IPO8: variants seen among roughly 807,000 people sequenced by gnomAD.
IPO8 encodes importin-8.
IPO8 carries 65 observed loss-of-function variants against 141.2 expected under a neutral mutation model. That is an observed-to-expected ratio of 0.46 (90% CI 0.38 to 0.57). IPO8 has a LOEUF of 0.57. Ranked by LOEUF, IPO8 falls within the 20% of genes least tolerant of loss-of-function variation. The pLI is 0.00. For synonymous variants in IPO8, 411 were observed against 420.3 expected, an observed-to-expected ratio of 0.98 and a Z score of 0.27; for missense variants, 980 against 1,246.8, an observed-to-expected ratio of 0.79 and a Z score of 3.22.
Position 30,665,769 on chromosome 12 carries a change from G to A in IPO8, c.1298C>T (p.Ala433Val), listed in dbSNP as rs1418681264. 3.7e-6 allele frequency: 6 copies of A among 1,613,194 alleles called. No homozygotes were observed. Among genetic ancestry groups the A allele is most frequent in the Non-Finnish European group, 5.1e-6 (6 of 1,179,406 alleles). The change falls in exon 12 of 25, where the codon GCC becomes GTC. Residue 433 changes from alanine (A) to valine (V), a missense_variant. Around this residue, in one of 3 missense-constraint regions of IPO8, gnomAD observed 924 missense variants for 1,153.9 expected, o/e 0.80. Transcript: ENST00000256079. ...AGCTAGGGAACCAATCACATGCAGG[G>A]CTCCATCTTTCTTCCTAGGGTCAAA... ...PNFDPRKKDG[A>V]LHVIGSLAEI...
Position 30,674,019 on chromosome 12 carries a change from A to C in IPO8, c.880T>G (p.Leu294Val). The C allele has an allele frequency of 3.8e-6, 6 of 1,592,248 alleles. No homozygotes were observed. Among genetic ancestry groups the C allele is most frequent in the Non-Finnish European group, 5.2e-6 (6 of 1,164,176 alleles). The change falls in exon 8 of 25, where the codon TTG (leucine) becomes GTG (valine). Residue 294 changes from leucine (L) to valine (V), a missense_variant. By Grantham distance (32) the Leu-to-Val change is conservative (BLOSUM62 1). This residue lies in a region of IPO8 where 924 missense variants were observed against 1,153.9 expected (regional missense o/e 0.80). Transcript: ENST00000256079. ...KEYFEFSEFF[L>V]KTYAVGIQQV... ...TGAATGCCCACTGCATAGGTTTTCA[A>C]AAAGAATTCAGAAAATTCAAAGTAT...
intron 1 of IPO8, among the ~76,000 whole-genome samples, chr12:30,693,721 C>T (rs1332536137): frequency 6.6e-6 from 1 of 152,178 alleles, no homozygotes; most frequent in African/African-American, 2.4e-5. Context: ...AAGCATTTCA[C>T]TATGCTTTAT....
intron 9 of IPO8, 22 bp from the exon 10 acceptor site, chr12:30,669,304 A>G (rs1249239550): frequency 3.3e-6 from 4 of 1,203,140 alleles, no homozygotes; most frequent in Admixed American, 3.9e-5. Flanking sequence ...AAAAAAAAAA[A>G]ACGTAACAAA....
At chr12:30,669,611 A>G (rs2053019793) in intron 9 of IPO8, among the ~76,000 whole-genome samples, 2 of 151,110 alleles carry the variant, frequency 1.3e-5, no homozygotes, top group Non-Finnish European at 2.9e-5. Flanking sequence ...TGGGCACTGT[A>G]GCGAGACCCC....
In IPO8 at chr12:30,669,242, T is replaced by G. The variant is rs1331262791; in HGVS notation, c.1085A>C (p.Lys362Thr). The change falls in exon 10 of 25, where the codon AAA becomes ACA. Residue 362 changes from lysine (K) to threonine (T), a missense_variant. By Grantham distance (78) the Lys-to-Thr change is moderately conservative. This residue lies in a region of IPO8 where 924 missense variants were observed against 1,153.9 expected (regional missense o/e 0.80). Coordinates refer to ENST00000256079, the MANE Select transcript of IPO8 (RefSeq NM_006390.4). ...TTGCCACAGCTCTTCATCCTCATCT[T>G]TATAACACATCACAGAAAAAATCAC... ...EDVIFSVMCY[K>T]DEDEELWQED... The G allele has an allele frequency of 1.3e-6, 2 of 1,593,160 alleles. No homozygotes were observed. Among genetic ancestry groups the G allele is most frequent in the Non-Finnish European group, 1.7e-6 (2 of 1,172,088 alleles).
At chr12:30,662,515 T>TA in intron 14 of IPO8, 28 bp from the exon 15 acceptor site, 1 of 1,559,698 alleles carries the variant, frequency 6.4e-7, no homozygotes, top group Non-Finnish European at 8.8e-7. Flanking sequence ...ACAAAAGTAA[T>TA]AAAAATTACC....
intron 21 of IPO8, among the ~76,000 whole-genome samples, chr12:30,638,193 A>C (rs1276755818): frequency 1.3e-5 from 2 of 152,238 alleles, no homozygotes; most frequent in Non-Finnish European, 2.9e-5. Flanking sequence ...TCCAGTGCTA[A>C]TAAACACATA....
chr12:30,680,587 G>A lies in IPO8; in HGVS notation c.534C>T (p.Phe178=), dbSNP rs570760672. Residue 178 remains phenylalanine (F), a synonymous_variant, in exon 5 of 25, where the codon TTC becomes TTT. Coordinates refer to ENST00000256079, the MANE Select transcript of IPO8 (RefSeq NM_006390.4). ...CAATTTGTTGCTGAATACGAGGCAGGAATATCTGCATTGCTATTATAAGAG... is the reference window on the plus strand; with the variant it reads ...CAATTTGTTGCTGAATACGAGGCAGAAATATCTGCATTGCTATTATAAGAG... ...REPLIIAMQI[F]LPRIQQQIVQ... The A allele has an allele frequency of 6.2e-7, 1 of 1,612,328 alleles. No individual in the cohort carries two copies. The highest frequency in any genetic ancestry group is 1.1e-5 in the South Asian group (1 of 90,934).
At chr12:30,654,596 G>A (rs145588251) in intron 17 of IPO8, among the ~76,000 whole-genome samples, 1,559 of 151,986 alleles carry the variant, frequency 0.01, 24 homozygotes, top group African/African-American at 0.035. Flanking sequence ...ATATAAAAAT[G>A]GCCAACAAGT....
chr12:30,634,183 A>C lies in IPO8; in HGVS notation c.2799T>G (p.Asp933Glu), dbSNP rs777454139. ...EDEEEEDDDW[D>E]EEVLEETALE... is the part of the protein sequence containing the mutation. ...GCGCGGTTTCTTCCAATACTTCTTC[A>C]TCCCAGTCATCATCTTCCTCCTCCT... Residue 933 changes from aspartate to glutamate, a missense_variant, in exon 23 of 25, where the codon GAT becomes GAG. Asp to Glu is a conservative substitution (Grantham distance 45). Around this residue, in one of 3 missense-constraint regions of IPO8, gnomAD observed 924 missense variants for 1,153.9 expected, o/e 0.80. Coordinates refer to ENST00000256079, the MANE Select transcript of IPO8 (RefSeq NM_006390.4). 3 of 1,613,896 alleles carry C rather than the reference A, an allele frequency of 1.9e-6. No individual in the cohort carries two copies. Among genetic ancestry groups the C allele is most frequent in the Middle Eastern group, 1.6e-4 (1 of 6,082 alleles).
rs769578758 is a variant in IPO8, at chr12:30,652,186, G to A, written c.2172+6C>T. The A allele has an allele frequency of 2.0e-6, 3 of 1,501,084 alleles. No individual in the cohort carries two copies. In the Admixed American group the frequency reaches 5.1e-5, roughly 26 times the overall value. The allele number at this position is 1,501,084 out of a possible 1,614,324, so 93.0% of individuals were successfully genotyped here. ...CCACTGAAACAATAGATTAGGTCATGCTTACCTTCCTACACATTGTAAAAA... is the reference window on the plus strand; with the variant it reads ...CCACTGAAACAATAGATTAGGTCATACTTACCTTCCTACACATTGTAAAAA... On this transcript the variant is annotated splice_donor_region_variant and intron_variant, in intron 19 of 24. Transcript: ENST00000256079.
chr12:30,636,178 G>C (rs986647607), intron 22 of IPO8, among the ~76,000 whole-genome samples: 1 of 152,064 alleles, frequency 6.6e-6, no homozygotes, highest in Non-Finnish European at 1.5e-5. Context: ...GAACAAACTG[G>C]GATGATGCCA....
chr12:30,631,748 T>A (rs536691941), intron 24 of IPO8, 147 bp downstream of exon 24: 3 of 616,444 alleles, frequency 4.9e-6, no homozygotes, highest in East Asian at 5.4e-5. Context: ...AAAACAATCA[T>A]ACAATAATGA....
In IPO8 at chr12:30,680,650, A is replaced by G. The variant is rs780838120; in HGVS notation, c.483-12T>C. The G allele has an allele frequency of 6.3e-7, 1 of 1,590,754 alleles. No individual in the cohort carries two copies. The highest frequency in any genetic ancestry group is 8.5e-7 in the Non-Finnish European group (1 of 1,172,590). On this transcript the variant is annotated splice_polypyrimidine_tract_variant and intron_variant, in intron 4 of 24. Transcript: ENST00000256079. ...CTGCTTTCTTATATCTACATGAGCA[A>G]AGACAAAAACAGAAAAGTAATTTTT...
At chr12:30,679,352 TTC>T (rs1486404130) in intron 5 of IPO8, among the ~76,000 whole-genome samples, 1 of 152,196 alleles carries the variant, frequency 6.6e-6, no homozygotes, top group Non-Finnish European at 1.5e-5. Flanking sequence ...AATATGAAGA[TTC>T]TGTCGTCTTA....
Position 30,674,174 on chromosome 12 carries a change from C to G in IPO8, c.825-100G>C. Reference sequence around the variant, plus strand: ...GTCGCTTATTCAAAGATGGATTCTACTGGGACAGAAAACTAACACTGCCTT... The same window carrying G: ...GTCGCTTATTCAAAGATGGATTCTAGTGGGACAGAAAACTAACACTGCCTT... On this transcript the variant is annotated intron_variant, in intron 7 of 24. Coordinates refer to ENST00000256079, the MANE Select transcript of IPO8 (RefSeq NM_006390.4). 4.2e-6 allele frequency: 3 copies of G among 709,704 alleles called. No individual in the cohort carries two copies. The South Asian group carries it at 6.6e-5, about 16-fold the overall frequency. The allele number at this position is 709,704 out of a possible 1,614,324, so 44.0% of individuals were successfully genotyped here.
intron 22 of IPO8, among the ~76,000 whole-genome samples, chr12:30,635,660 A>C (rs1202948009): frequency 1.3e-5 from 2 of 152,102 alleles, no homozygotes; most frequent in Non-Finnish European, 2.9e-5. Context: ...GAGTAAACCC[A>C]AACCAGGTAA....
Position 30,695,675 on chromosome 12 carries a change from C to CG in IPO8, c.-29dup. ...CCCCGGGTGGGGGCTCCGCGGCCCC[C>CG]GGAACAGTAGGCCGGACTGCAGCTT... On this transcript the variant is annotated 5_prime_UTR_variant, in exon 1 of 25. Transcript: ENST00000256079. The surrounding 1 kb of genome is among the most constrained non-coding windows in gnomAD (Gnocchi z 4.2). The CG allele has an allele frequency of 3.1e-6, 5 of 1,603,626 alleles. No homozygotes were observed. Among genetic ancestry groups the CG allele is most frequent in the Non-Finnish European group, 4.3e-6 (5 of 1,171,022 alleles).
At position 30,684,496 on chromosome 12, in the gene IPO8, A is replaced by G. The variant is rs1327722486; in HGVS notation, c.167-39T>C. ...AAAATGCTAATGTAGCAGTACCAAA[A>G]AGGATGGCTTTAATTCAGCCTTACA... On this transcript the variant is annotated intron_variant, in intron 2 of 24. Transcript: ENST00000256079. 2.5e-6 allele frequency: 4 copies of G among 1,601,260 alleles called. No individual in the cohort carries two copies. In the Admixed American group the frequency reaches 5.0e-5, roughly 20 times the overall value.
Sources: gnomAD v4.1 joint callset for allele counts (sites outside exome capture counted in the v4.1 genomes callset) on GRCh38, gnomAD v4.1.1 for gene constraint, gnomAD v4.1.1 regional missense constraint, Gnocchi (gnomAD v3.1) non-coding constraint, MANE v1.5 for transcripts, NCBI Gene and HGNC (gene_info 2026-07-23, HGNC 2026-07-21) for gene names.